Variants in ALK observed in about 807,000 individuals in gnomAD.
ALK encodes ALK tyrosine kinase receptor.
In ALK, 74 loss-of-function variants were observed where a neutral mutation model predicts 163.1. That is an observed-to-expected ratio of 0.45 (90% CI 0.38 to 0.55). The LOEUF is 0.55. ALK is among the 20% of genes least tolerant of loss of function. The pLI, the probability that ALK is intolerant of heterozygous loss-of-function variation, is 0.00. For synonymous variants in ALK, 960 were observed against 843.2 expected (o/e 1.14, Z -2.40); for missense variants, 2,063 against 2,105.3 (o/e 0.98, Z 0.39).
chr2:29,394,089 A>G (rs72792440), intron 4 of ALK, among the ~76,000 whole-genome samples: 2,658 of 152,306 alleles, frequency 0.017, 51 homozygotes, highest in Non-Finnish European at 0.025. Context: ...AGACCACACC[A>G]CACTAATTTG....
At chr2:29,374,528 A>G (rs531955075) in intron 5 of ALK, among the ~76,000 whole-genome samples, 2 of 152,344 alleles carry the variant, frequency 1.3e-5, no homozygotes, top group South Asian at 4.1e-4. Flanking sequence ...TGAGTGAGAC[A>G]CATAAATAAC....
intron 4 of ALK, among the ~76,000 whole-genome samples, chr2:29,410,243 C>A (rs1435335778): frequency 1.3e-5 from 2 of 152,170 alleles, no homozygotes; most frequent in Non-Finnish European, 2.9e-5. Flanking sequence ...TATTCAAAGT[C>A]ACTCCTCTGC....
chr2:29,453,319 TCTCCCAGGCTCAAGCCATC>T (rs1450660377), intron 4 of ALK, among the ~76,000 whole-genome samples: 1 of 152,070 alleles, frequency 6.6e-6, no homozygotes, highest in Non-Finnish European at 1.5e-5. Context: ...GCAGCCTCAA[TCTCCCAGGCTCAAGCCATC>T]CTCCCACCTC....
intron 1 of ALK, among the ~76,000 whole-genome samples, chr2:29,786,258 C>T (rs1361439600): frequency 6.6e-6 from 1 of 152,010 alleles, no homozygotes; most frequent in South Asian, 2.1e-4. Context: ...GTCTATAGAA[C>T]CCGAGAAGGA....
At chr2:29,358,173 T>G (rs1668297332) in intron 5 of ALK, among the ~76,000 whole-genome samples, 1 of 152,200 alleles carries the variant, frequency 6.6e-6, no homozygotes, top group Non-Finnish European at 1.5e-5. Context: ...GTCATGAACA[T>G]TTCATGCAAG....
chr2:29,865,561 C>T (rs1346886584), intron 1 of ALK, among the ~76,000 whole-genome samples: 1 of 152,174 alleles, frequency 6.6e-6, no homozygotes, highest in Non-Finnish European at 1.5e-5. Flanking sequence ...TCTCTCCCAA[C>T]ACAACTCAGT....
At chr2:29,778,485 G>A (rs759299071) in intron 1 of ALK, among the ~76,000 whole-genome samples, 3 of 152,172 alleles carry the variant, frequency 2.0e-5, no homozygotes, top group Non-Finnish European at 4.4e-5. Flanking sequence ...TTCCTAGATG[G>A]TTCAGGTTGG....
At chr2:29,454,381 A>C (rs1308629934) in intron 4 of ALK, among the ~76,000 whole-genome samples, 1 of 152,196 alleles carries the variant, frequency 6.6e-6, no homozygotes, top group Non-Finnish European at 1.5e-5. Flanking sequence ...ACAATACCTA[A>C]TACAATGTAA....
At chr2:29,854,295 C>T (rs116632744) in intron 1 of ALK, among the ~76,000 whole-genome samples, 1 of 151,976 alleles carries the variant, frequency 6.6e-6, no homozygotes, top group Non-Finnish European at 1.5e-5. Flanking sequence ...AAATGTGATC[C>T]CCAATGCTGG....
At position 29,761,485 on chromosome 2, in the gene ALK, G is replaced by A. The variant is rs145160634; in HGVS notation, c.668-43788C>T. Among the ~76,000 whole-genome samples, 528 of 152,300 alleles carry A rather than the reference G, an allele frequency of 3.5e-3. 3 individuals carry two copies. The highest frequency in any genetic ancestry group is 0.012 in the African/African-American group (489 of 41,562). On this transcript the variant is annotated intron_variant, in intron 1 of 28. Transcript: ENST00000389048. ...TGAATCTTGAGGGCAGCATGACCTC[G>A]GGGAGTGTCAGAGTTATGTTCTTCC...
At chr2:29,212,018 A>G (rs1669479002) in intron 24 of ALK, among the ~76,000 whole-genome samples, 1 of 152,226 alleles carries the variant, frequency 6.6e-6, no homozygotes. Context: ...TTGTGGCTGT[A>G]GGAAAGGAGA....
chr2:29,918,509 T>C (rs1026913602), intron 1 of ALK, among the ~76,000 whole-genome samples: 2 of 152,208 alleles, frequency 1.3e-5, no homozygotes, highest in African/African-American at 4.8e-5. Flanking sequence ...AACTCATCAG[T>C]GCCTCTTAGG....
chr2:29,359,724 G>A (rs145936977), intron 5 of ALK, among the ~76,000 whole-genome samples: 1 of 152,252 alleles, frequency 6.6e-6, no homozygotes, highest in East Asian at 1.9e-4. Flanking sequence ...CTCCCAGAAG[G>A]CGGCCAGCAC....
At chr2:29,396,387 C>G (rs1178075367) in intron 4 of ALK, among the ~76,000 whole-genome samples, 1 of 152,142 alleles carries the variant, frequency 6.6e-6, no homozygotes, top group Non-Finnish European at 1.5e-5. Flanking sequence ...CTTTAAAACT[C>G]AAACATGGCC....
rs114780474 is a variant in ALK, at chr2:29,741,937, G to C, written c.668-24240C>G. On this transcript the variant is annotated intron_variant, in intron 1 of 28. Coordinates refer to ENST00000389048, the MANE Select transcript of ALK (RefSeq NM_004304.5). ...TACTCACCCAAAGTGCTGGGACTAA[G>C]AAGGTTTCAATCACCCATGAAAAAA... is the stretch of plus-strand genomic sequence containing the variant. Among the ~76,000 whole-genome samples the C allele has an allele frequency of 3.6e-3, 546 of 152,310 alleles. 2 individuals are homozygous for C. Among genetic ancestry groups the C allele is most frequent in the African/African-American group, 0.013 (524 of 41,566 alleles).
intron 1 of ALK, among the ~76,000 whole-genome samples, chr2:29,809,849 G>A (rs563479718): frequency 6.6e-6 from 1 of 152,212 alleles, no homozygotes; most frequent in Non-Finnish European, 1.5e-5. Flanking sequence ...GGATGGTCCA[G>A]CTTCACTGAG....
intron 12 of ALK, 95 bp downstream of exon 12, chr2:29,251,010 G>T: frequency 7.5e-7 from 1 of 1,334,322 alleles, no homozygotes; most frequent in Non-Finnish European, 1.0e-6. Context: ...ACCTTGACAT[G>T]CCTGGGCACC....
At chr2:29,198,866 TATCA>T (rs1167274976) in intron 26 of ALK, among the ~76,000 whole-genome samples, 1 of 152,204 alleles carries the variant, frequency 6.6e-6, no homozygotes, top group Non-Finnish European at 1.5e-5. Flanking sequence ...AATTGGTATC[TATCA>T]ATCAATTTTC....
At chr2:29,679,204 A>G (rs550840158) in intron 3 of ALK, among the ~76,000 whole-genome samples, 1 of 151,934 alleles carries the variant, frequency 6.6e-6, no homozygotes, top group South Asian at 2.1e-4. Flanking sequence ...TGTTTGTGTG[A>G]TATCTCTTTT....
Sources: gnomAD v4.1 joint callset for allele counts (sites outside exome capture counted in the v4.1 genomes callset) on GRCh38, gnomAD v4.1.1 for gene constraint, MANE v1.5 for transcripts, NCBI Gene and HGNC (gene_info 2026-07-23, HGNC 2026-07-21) for gene names.